The following ZNF778 variants were observed in gnomAD, a reference collection of about 807,000 sequenced individuals.
The protein encoded by ZNF778 is zinc finger protein 778.
Under a neutral mutation model 23.9 loss-of-function variants are expected in ZNF778, and 37 were observed. The observed-to-expected ratio is 1.54, with a 90% CI of 1.19 to 2.03. The LOEUF (loss-of-function observed/expected upper bound fraction) is 2.03, where lower values mean the gene tolerates loss of function less well. Ranked by LOEUF, ZNF778 falls within the 30% of genes most tolerant of loss-of-function variation. The pLI is 0.00. For synonymous variants in ZNF778, 483 were observed against 343.9 expected (o/e 1.40, Z -4.48); for missense variants, 1,297 against 934.4 (o/e 1.39, Z -5.06).
In ZNF778 at chr16:89,219,943, C is replaced by G. The variant is rs578250523; in HGVS notation, c.-131-1054C>G. Among the ~76,000 whole-genome samples, 12 of 152,314 alleles carry G rather than the reference C, an allele frequency of 7.9e-5. No individual in the cohort carries two copies. In the South Asian group the frequency reaches 2.5e-3, roughly 32 times the overall value. On this transcript the variant is annotated intron_variant, in intron 1 of 6. Coordinates refer to ENST00000433976, the MANE Select transcript of ZNF778 (RefSeq NM_001201407.2). ...ACTGCTGAACTCGTAGAAACTATGG[C>G]CCCTGAATCACAAGCTCTCTGTTGT...
rs1231176021 is a variant in ZNF778, at chr16:89,233,911, G to A, written c.*5349G>A. 7.8e-7 allele frequency: 1 copy of A among 1,289,372 alleles called. No individual in the cohort carries two copies. The highest frequency in any genetic ancestry group is 2.3e-5 in the Admixed American group (1 of 43,576). 79.9% of individuals were successfully genotyped at this position (1,289,372 alleles called of 1,614,324 possible). ...CTCCCTGAAGTCAGCCCAGGATGAG[G>A]CACTAGACAGCAGGACATGCTGTAT... On this transcript the variant is annotated 3_prime_UTR_variant, in exon 7 of 7. Transcript: ENST00000433976.
At chr16:89,219,101 C>A (rs150861594) in intron 1 of ZNF778, among the ~76,000 whole-genome samples, 1 of 151,932 alleles carries the variant, frequency 6.6e-6, no homozygotes, top group African/African-American at 2.4e-5. Context: ...AGCAAGACTC[C>A]GTCTCAAAAA....
In ZNF778 at chr16:89,225,548, T is replaced by C. The variant is rs776990504; in HGVS notation, c.329-7T>C. 1 of 1,511,808 alleles carries C rather than the reference T, an allele frequency of 6.6e-7. No individual in the cohort carries two copies. Among genetic ancestry groups the C allele is most frequent in the Non-Finnish European group, 9.1e-7 (1 of 1,102,512 alleles). The allele number at this position is 1,511,808 out of a possible 1,614,324, so 93.6% of individuals were successfully genotyped here. On this transcript the variant is annotated splice_polypyrimidine_tract_variant and splice_region_variant and intron_variant, in intron 5 of 6. Coordinates refer to ENST00000433976, the MANE Select transcript of ZNF778 (RefSeq NM_001201407.2). ...ATCGTTTTTAGGTCATTCTTCTTTC[T>C]TTTCAGAATGGCGACTTAAAACCAA...
chr16:89,221,976 A>T, intron 2 of ZNF778, 116 bp from the exon 3 acceptor site: 1 of 622,792 alleles, frequency 1.6e-6, no homozygotes, highest in Admixed American at 3.2e-5. Flanking sequence ...CGTTTTCCTG[A>T]GTGTGCAGGA....
chr16:89,222,963 G>A (rs1227535144), intron 3 of ZNF778, among the ~76,000 whole-genome samples, 194 bp from the exon 4 acceptor site: 3 of 48,478 alleles, frequency 6.2e-5, no homozygotes, highest in African/African-American at 1.0e-4. Flanking sequence ...GGAGGAGAGC[G>A]ACAGGGTGCG....
Position 89,233,980 on chromosome 16 carries a change from C to G in ZNF778, c.*5418C>G, listed in dbSNP as rs565347511. 991 of 1,240,966 alleles carry G rather than the reference C, an allele frequency of 8.0e-4. 3 individuals are homozygous for G. The highest frequency in any genetic ancestry group is 1.1e-3 in the Middle Eastern group (5 of 4,604). 76.9% of individuals were successfully genotyped at this position (1,240,966 alleles called of 1,614,324 possible). On this transcript the variant is annotated 3_prime_UTR_variant, in exon 7 of 7. Coordinates refer to ENST00000433976, the MANE Select transcript of ZNF778 (RefSeq NM_001201407.2). Reference sequence around the variant, plus strand: ...AGTATGCAGACTAGCCAGCCCCAGACTTCATCCTGCCCTGTCCTGCCTTTC... The same window carrying G: ...AGTATGCAGACTAGCCAGCCCCAGAGTTCATCCTGCCCTGTCCTGCCTTTC...
rs564311245 is a variant in ZNF778 at position 89,232,275 on chromosome 16, G to A, written c.*3713G>A. 12 of 195,548 alleles carry A rather than the reference G, an allele frequency of 6.1e-5. No individual in the cohort carries two copies. The highest frequency in any genetic ancestry group is 2.6e-4 in the African/African-American group (11 of 42,880). 12.1% of individuals were successfully genotyped at this position (195,548 alleles called of 1,614,324 possible). A position where few individuals can be genotyped will look rare whatever the true frequency, so the allele number is the denominator to read the frequency against. On this transcript the variant is annotated 3_prime_UTR_variant, in exon 7 of 7. Coordinates refer to ENST00000433976, the MANE Select transcript of ZNF778 (RefSeq NM_001201407.2). ...AGCCGTCCCTCGGGTTTGGCTCACTGCCCTTGACCTTCTCTGCCCTGTTTG... is the reference window on the plus strand; with the variant it reads ...AGCCGTCCCTCGGGTTTGGCTCACTACCCTTGACCTTCTCTGCCCTGTTTG...
At position 89,226,603 on chromosome 16, in the gene ZNF778, AATC is replaced by A. The variant is rs368341455; in HGVS notation, c.406-84_406-82del. ...ATGTTATGAAAATGGCAAAAATCGTAATCATCATCGTCATGCTCTGTCTTCAGC... is the reference window on the plus strand; with the variant it reads ...ATGTTATGAAAATGGCAAAAATCGTAATCATCGTCATGCTCTGTCTTCAGC... On this transcript the variant is annotated intron_variant, in intron 6 of 6. Coordinates refer to ENST00000433976, the MANE Select transcript of ZNF778 (RefSeq NM_001201407.2). The A allele has an allele frequency of 1.0e-3, 1,218 of 1,204,082 alleles. 2 individuals are homozygous for A. Among genetic ancestry groups the A allele is most frequent in the African/African-American group, 1.8e-3 (118 of 65,540 alleles). The allele number at this position is 1,204,082 out of a possible 1,614,324, so 74.6% of individuals were successfully genotyped here.
At position 89,236,186 on chromosome 16, in the gene ZNF778, GAAAGA is replaced by G. The variant is rs1295718678; in HGVS notation, c.*7633_*7637del. On this transcript the variant is annotated 3_prime_UTR_variant, in exon 7 of 7. Transcript: ENST00000433976. ...AGCGAGACTCTGTCTCAAAAAAGAA[GAAAGA>G]AAAGAAAACCAAGCCCCTGCCACCA... is the stretch of plus-strand genomic sequence containing the variant. 2.0e-5 allele frequency: 3 copies of G among 151,688 alleles called. No individual in the cohort carries two copies. Among genetic ancestry groups the G allele is most frequent in the African/African-American group, 4.9e-5 (2 of 41,236 alleles). The allele number at this position is 151,688 out of a possible 1,614,324, so 9.4% of individuals were successfully genotyped here.
chr16:89,232,932 C>T lies in ZNF778; in HGVS notation c.*4370C>T, dbSNP rs770950818. On this transcript the variant is annotated 3_prime_UTR_variant, in exon 7 of 7. Coordinates refer to ENST00000433976, the MANE Select transcript of ZNF778 (RefSeq NM_001201407.2). ...TCAACTCGCACTGCGTATGCGAATCCACTCACTGCCTATGCAACTCAGCTC... is the reference window on the plus strand; with the variant it reads ...TCAACTCGCACTGCGTATGCGAATCTACTCACTGCCTATGCAACTCAGCTC... 4.1e-6 allele frequency: 5 copies of T among 1,225,296 alleles called. No homozygotes were observed. Among genetic ancestry groups the T allele is most frequent in the Non-Finnish European group, 5.2e-6 (5 of 965,098 alleles). The allele number at this position is 1,225,296 out of a possible 1,614,324, so 75.9% of individuals were successfully genotyped here.
chr16:89,220,319 A>G (rs991507451), intron 1 of ZNF778, among the ~76,000 whole-genome samples: 7 of 152,168 alleles, frequency 4.6e-5, no homozygotes, highest in African/African-American at 1.7e-4. Context: ...CTCTAGACCT[A>G]CCTTTGTCCT....
intron 2 of ZNF778, among the ~76,000 whole-genome samples, chr16:89,221,802 TCCTC>T (rs1291008348): frequency 8.4e-6 from 1 of 118,610 alleles, no homozygotes; most frequent in East Asian, 2.6e-4. Flanking sequence ...GTGTGTGTGT[TCCTC>T]AGGCAGTGTA....
At chr16:89,225,449 A>G (rs901207696) in intron 5 of ZNF778, 106 bp from the exon 6 acceptor site, 5 of 909,064 alleles carry the variant, frequency 5.5e-6, no homozygotes, top group Non-Finnish European at 6.7e-6. Flanking sequence ...CACATAGCCA[A>G]ACTCCTTAAA....
In ZNF778 at chr16:89,225,549, T is replaced by C. The variant is rs1251590392; in HGVS notation, c.329-6T>C. 1.9e-6 allele frequency: 3 copies of C among 1,608,700 alleles called. No individual in the cohort carries two copies. Among genetic ancestry groups the C allele is most frequent in the Admixed American group, 3.4e-5 (2 of 59,400 alleles). ...TCGTTTTTAGGTCATTCTTCTTTCT[T>C]TTCAGAATGGCGACTTAAAACCAAA... On this transcript the variant is annotated splice_polypyrimidine_tract_variant and splice_region_variant and intron_variant, in intron 5 of 6. Coordinates refer to ENST00000433976, the MANE Select transcript of ZNF778 (RefSeq NM_001201407.2).
chr16:89,236,242 A>G lies in ZNF778; in HGVS notation c.*7680A>G, dbSNP rs2032233460. On this transcript the variant is annotated 3_prime_UTR_variant, in exon 7 of 7. Transcript: ENST00000433976. The stretch of plus-strand genomic sequence containing the variant: ...CGAAGCTGCCGAAAGCTACAGAGTG[A>G]AAGTCTTGGAAGGAGGCTGAGAAAG... 6.6e-6 allele frequency: 1 copy of G among 152,226 alleles called. No homozygotes were observed. The highest frequency in any genetic ancestry group is 1.5e-5 in the Non-Finnish European group (1 of 68,048). 9.4% of individuals were successfully genotyped at this position (152,226 alleles called of 1,614,324 possible).
At chr16:89,222,270 A>C in intron 3 of ZNF778, 87 bp downstream of exon 3, 13 of 1,030,482 alleles carry the variant, frequency 1.3e-5, no homozygotes, top group South Asian at 3.5e-5. Context: ...TTGTCTGCAC[A>C]GCCTCACTCA....
At chr16:89,221,983 A>G (rs2030999699) in intron 2 of ZNF778, 109 bp from the exon 3 acceptor site, 2 of 684,966 alleles carry the variant, frequency 2.9e-6, no homozygotes. Flanking sequence ...CTGAGTGTGC[A>G]GGAGTACGTG....
chr16:89,226,720 C>T lies in ZNF778; in HGVS notation c.432C>T (p.Leu144=). Residue 144 remains leucine (L), a synonymous_variant, in exon 7 of 7, where the codon CTC becomes CTT. Transcript: ENST00000433976. ...QTARSHNGGQ[L]CDRTQCGEAF... Reference sequence around the variant, plus strand: ...CAAGAAGCCACAATGGAGGGCAGCTCTGTGACCGCACGCAGTGTGGAGAAG... The same window carrying T: ...CAAGAAGCCACAATGGAGGGCAGCTTTGTGACCGCACGCAGTGTGGAGAAG... 6.2e-7 allele frequency: 1 copy of T among 1,612,916 alleles called. No individual in the cohort carries two copies. The highest frequency in any genetic ancestry group is 8.5e-7 in the Non-Finnish European group (1 of 1,179,106).
intron 1 of ZNF778, among the ~76,000 whole-genome samples, chr16:89,219,854 T>C (rs530467659): frequency 1.3e-5 from 2 of 152,266 alleles, no homozygotes; most frequent in Non-Finnish European, 2.9e-5. Flanking sequence ...TTTTTGGTTA[T>C]AGGTGTCATG....
Sources: gnomAD v4.1 joint callset for allele counts (sites outside exome capture counted in the v4.1 genomes callset) on GRCh38, gnomAD v4.1.1 for gene constraint, MANE v1.5 for transcripts, NCBI Gene and HGNC (gene_info 2026-07-23, HGNC 2026-07-21) for gene names.